CHSY3: variants seen among roughly 807,000 people sequenced by gnomAD.
CHSY3 encodes chondroitin sulfate synthase 3, also known as N-acetylgalactosaminyl-proteoglycan 3-beta-glucuronosyltransferase 3.
In CHSY3, 35 loss-of-function variants were observed where a neutral mutation model predicts 67.2. That is an observed-to-expected ratio of 0.52 (90% CI 0.40 to 0.69). The LOEUF (loss-of-function observed/expected upper bound fraction) is 0.69. CHSY3 is among the 30% of genes least tolerant of loss of function. CHSY3 has a pLI of 0.00. For synonymous variants in CHSY3, 474 were observed against 434.7 expected, an observed-to-expected ratio of 1.09 and a Z score of -1.12; for missense variants, 1,069 against 1,138.5, an observed-to-expected ratio of 0.94 and a Z score of 0.88.
chr5:130,069,536 A>C (rs1765993183), intron 2 of CHSY3, among the ~76,000 whole-genome samples: 1 of 151,948 alleles, frequency 6.6e-6, no homozygotes, highest in Non-Finnish European at 1.5e-5. Flanking sequence ...TACATGGAAC[A>C]ATTTTCTCAC....
chr5:130,029,773 G>T (rs1189283443), intron 2 of CHSY3, among the ~76,000 whole-genome samples: 2 of 152,010 alleles, frequency 1.3e-5, no homozygotes, highest in African/African-American at 4.8e-5. Context: ...CCATTAGAGA[G>T]AAAATCAGCA....
chr5:129,998,813 A>G (rs1355475327), intron 2 of CHSY3, among the ~76,000 whole-genome samples: 1 of 151,910 alleles, frequency 6.6e-6, no homozygotes, highest in African/African-American at 2.4e-5. Context: ...CAGTACAGAA[A>G]TTTGCTCTCT....
chr5:130,029,854 C>T (rs77438972), intron 2 of CHSY3, among the ~76,000 whole-genome samples: 4,252 of 152,154 alleles, frequency 0.028, 191 homozygotes, highest in African/African-American at 0.093. Flanking sequence ...TCCATCTTTC[C>T]GCTAGAAATG....
chr5:129,953,763 C>T (rs1230192950), intron 2 of CHSY3, among the ~76,000 whole-genome samples: 2 of 151,980 alleles, frequency 1.3e-5, no homozygotes, highest in Admixed American at 1.3e-4. Context: ...GTTTGTTGGC[C>T]GCATAAGTGT....
chr5:130,185,083 C>G lies in CHSY3; in HGVS notation c.1941C>G (p.Ile647Met). 1 of 1,603,482 alleles carries G rather than the reference C, an allele frequency of 6.2e-7. No individual in the cohort carries two copies. The highest frequency in any genetic ancestry group is 8.5e-7 in the Non-Finnish European group (1 of 1,170,404). ...FMENFENMCL[I>M]PKQNVKLVII... ...AGAACTTTGAAAACATGTGTCTTAT[C>G]CCAAAGCAGAATGTAAAGTTGGTCA... Residue 647 changes from isoleucine to methionine, a missense_variant, in exon 3 of 3, where the codon ATC (isoleucine) becomes ATG (methionine). Physicochemically the swap from Ile to Met is conservative, Grantham distance 10 (BLOSUM62 1). This residue lies in a region of CHSY3 where 401 missense variants were observed against 395.2 expected (regional missense o/e 1.01). Transcript: ENST00000305031.
At position 130,115,871 on chromosome 5, in the gene CHSY3, C is replaced by T. The variant is rs1296461404; in HGVS notation, c.1087-68358C>T. On this transcript the variant is annotated intron_variant, in intron 2 of 2. Transcript: ENST00000305031. ...CTGTATTCTTCTTCCAGACTAGCAG[C>T]GGAGGGGAGCCCACAGTGGCCCACC... is the stretch of plus-strand genomic sequence containing the variant. 3.3e-5 allele frequency among the ~76,000 whole-genome samples: 5 copies of T among 152,172 alleles called. No individual in the cohort carries two copies. The East Asian group carries it at 5.8e-4, about 18-fold the overall frequency.
At chr5:130,077,799 G>GTATATA (rs76554919) in intron 2 of CHSY3, among the ~76,000 whole-genome samples, 1 of 150,444 alleles carries the variant, frequency 6.6e-6, no homozygotes, top group South Asian at 2.1e-4. Context: ...ATATATGTGT[G>GTATATA]TATATATATA....
At chr5:130,042,735 T>C (rs2149666262) in intron 2 of CHSY3, among the ~76,000 whole-genome samples, 1 of 152,248 alleles carries the variant, frequency 6.6e-6, no homozygotes, top group Non-Finnish European at 1.5e-5. Context: ...AGTGGTACAT[T>C]ATTCTTTTTA....
In CHSY3 at chr5:130,048,685, AT is replaced by A. The variant is rs891306051; in HGVS notation, c.1087-135538del. 7.9e-5 allele frequency among the ~76,000 whole-genome samples: 12 copies of A among 151,570 alleles called. No homozygotes were observed. In the East Asian group the frequency reaches 2.3e-3, roughly 29 times the overall value. On this transcript the variant is annotated intron_variant, in intron 2 of 2. Coordinates refer to ENST00000305031, the MANE Select transcript of CHSY3 (RefSeq NM_175856.5). ...TGCATCTTTCTCCACTTCTCTCTAT[AT>A]TTTTTCTTTTTCTTATTTATTCTTG...
intron 2 of CHSY3, among the ~76,000 whole-genome samples, chr5:130,071,661 G>A (rs533140783): frequency 1.3e-5 from 2 of 151,554 alleles, no homozygotes; most frequent in Admixed American, 6.6e-5. Flanking sequence ...TGTGAATAAT[G>A]CTGAAATGAA....
intron 2 of CHSY3, among the ~76,000 whole-genome samples, chr5:130,164,771 T>C (rs2149729938): frequency 6.6e-6 from 1 of 152,280 alleles, no homozygotes; most frequent in East Asian, 1.9e-4. Context: ...AGAAGCCAGA[T>C]GTATCTAGAT....
At chr5:130,083,978 T>C (rs1160800254) in intron 2 of CHSY3, among the ~76,000 whole-genome samples, 1 of 152,002 alleles carries the variant, frequency 6.6e-6, no homozygotes, top group African/African-American at 2.4e-5. Context: ...TGCATTTTTT[T>C]CAAACAGTTT....
chr5:129,994,901 G>A (rs1289144874), intron 2 of CHSY3, among the ~76,000 whole-genome samples: 2 of 150,888 alleles, frequency 1.3e-5, no homozygotes, highest in African/African-American at 2.4e-5. Flanking sequence ...CTGTTGTGGG[G>A]TGGGGGGATG....
rs1238162535 is a variant in CHSY3, at chr5:130,184,260, A to G, written c.1118A>G (p.His373Arg). 2 of 1,565,766 alleles carry G rather than the reference A, an allele frequency of 1.3e-6. No individual in the cohort carries two copies. Among genetic ancestry groups the G allele is most frequent in the Non-Finnish European group, 1.7e-6 (2 of 1,155,620 alleles). ...MQQLFHENYE[H>R]NRKGYIQDLH... ...CAACTGTTCCATGAAAATTATGAACACAATCGGAAGGGTTACATCCAAGAC... is the reference window on the plus strand; with the variant it reads ...CAACTGTTCCATGAAAATTATGAACGCAATCGGAAGGGTTACATCCAAGAC... Residue 373 changes from histidine (H) to arginine (R), a missense_variant, in exon 3 of 3, where the codon CAC becomes CGC. Around this residue, in one of 5 missense-constraint regions of CHSY3, gnomAD observed 216 missense variants for 311.5 expected, o/e 0.69. Transcript: ENST00000305031.
At chr5:130,058,498 G>A (rs775557683) in intron 2 of CHSY3, among the ~76,000 whole-genome samples, 7 of 152,062 alleles carry the variant, frequency 4.6e-5, no homozygotes, top group Non-Finnish European at 1.0e-4. Flanking sequence ...GTGGTGGCAT[G>A]TGCCTGTAAT....
chr5:129,995,497 T>C (rs201874917), intron 2 of CHSY3, among the ~76,000 whole-genome samples: 8 of 151,430 alleles, frequency 5.3e-5, no homozygotes, highest in Admixed American at 2.0e-4. Context: ...GTGTACTTTT[T>C]TTTTCTTTTC....
At position 130,099,650 on chromosome 5, in the gene CHSY3, C is replaced by T. The variant is rs182386897; in HGVS notation, c.1087-84579C>T. On this transcript the variant is annotated intron_variant, in intron 2 of 2. Coordinates refer to ENST00000305031, the MANE Select transcript of CHSY3 (RefSeq NM_175856.5). ...ATTTCATCTTTTCATTTATTTTGCA[C>T]TGGTGTGAGGAGCTATCTACTCTTA... 2.3e-3 allele frequency among the ~76,000 whole-genome samples: 349 copies of T among 152,238 alleles called. 5 individuals are homozygous for T. The highest frequency in any genetic ancestry group is 5.0e-4 in the Non-Finnish European group (34 of 68,014).
intron 2 of CHSY3, among the ~76,000 whole-genome samples, chr5:130,112,638 A>G (rs1011411477): frequency 1.3e-5 from 2 of 152,160 alleles, no homozygotes; most frequent in Non-Finnish European, 2.9e-5. Context: ...CTTGGTGGAC[A>G]TAAATTGTTT....
chr5:130,128,112 A>G (rs1395526248), intron 2 of CHSY3, among the ~76,000 whole-genome samples: 2 of 152,156 alleles, frequency 1.3e-5, no homozygotes, highest in East Asian at 3.8e-4. Flanking sequence ...ATACTGAGTA[A>G]TGAAAATAGC....
Sources: allele counts gnomAD v4.1 joint callset (sites outside exome capture counted in the v4.1 genomes callset), GRCh38; gene constraint gnomAD v4.1.1; regional missense constraint gnomAD v4.1.1; transcripts MANE v1.5; gene names NCBI Gene and HGNC (gene_info 2026-07-23, HGNC 2026-07-21).